TUSC3: variants seen among roughly 807,000 people sequenced by gnomAD.
TUSC3 encodes the protein dolichyl-diphosphooligosaccharide--protein glycosyltransferase subunit TUSC3.
TUSC3 carries 45 observed loss-of-function variants against 44.8 expected under a neutral mutation model. That is an observed-to-expected ratio of 1.00 (90% CI 0.79 to 1.29). The LOEUF (loss-of-function observed/expected upper bound fraction) is 1.29, where lower values mean the gene tolerates loss of function less well. TUSC3 is among the 50% of genes most tolerant of loss of function. The pLI, the probability that TUSC3 is intolerant of heterozygous loss-of-function variation, is 0.00. For synonymous variants in TUSC3, 212 were observed against 152.9 expected, an observed-to-expected ratio of 1.39 and a Z score of -2.85; for missense variants, 519 against 437.9, an observed-to-expected ratio of 1.19 and a Z score of -1.65.
At chr8:15,508,537 G>A (rs565662627) in intron 2 of TUSC3, among the ~76,000 whole-genome samples, 3 of 128,242 alleles carry the variant, frequency 2.3e-5, no homozygotes, top group African/African-American at 5.8e-5. Flanking sequence ...TCTCGGCTCA[G>A]TGCAAGCTCC....
chr8:15,640,930 C>T (rs1311706626), intron 2 of TUSC3, among the ~76,000 whole-genome samples: 1 of 152,094 alleles, frequency 6.6e-6, no homozygotes, highest in Non-Finnish European at 1.5e-5. Flanking sequence ...TGATAAATTG[C>T]AGTGTTAAGT....
intron 3 of TUSC3, chr8:15,651,020 C>T (rs2129175768): frequency 3.1e-6 from 1 of 325,954 alleles, no homozygotes; most frequent in African/African-American, 2.4e-5. Flanking sequence ...CACACACACA[C>T]ACAAATACAA....
At chr8:15,707,430 T>G (rs955034747) in intron 6 of TUSC3, among the ~76,000 whole-genome samples, 4 of 151,958 alleles carry the variant, frequency 2.6e-5, no homozygotes, top group African/African-American at 9.7e-5. Context: ...CCTATATTTT[T>G]TATGTTTTAG....
rs529122870 is a variant in TUSC3, at chr8:15,687,269, C to G, written c.798+13433C>G. 1.4e-4 allele frequency among the ~76,000 whole-genome samples: 22 copies of G among 152,188 alleles called. No individual in the cohort carries two copies. The Middle Eastern group carries it at 0.014, about 95-fold the overall frequency. ...AGTACAGATACATCATGCAGCTCAT[C>G]ATCTAGTGGGGATACATAATATGAT... is the stretch of plus-strand genomic sequence containing the variant. On this transcript the variant is annotated intron_variant, in intron 6 of 10. Coordinates refer to ENST00000503731, the MANE Select transcript of TUSC3 (RefSeq NM_006765.4).
chr8:15,736,932 T>G (rs1199846234), intron 7 of TUSC3, among the ~76,000 whole-genome samples: 1 of 152,112 alleles, frequency 6.6e-6, no homozygotes, highest in Non-Finnish European at 1.5e-5. Context: ...TGACCTAAGT[T>G]AGAAGATCTC....
At chr8:15,845,613 A>T in the TUSC3 span, among the ~76,000 whole-genome samples, 55,325 of 151,850 alleles carry the variant, frequency 0.36, 11,402 homozygotes, top group East Asian at 0.55. Flanking sequence ...GTGAATTGGG[A>T]CCCCTGAAAC....
chr8:15,489,667 A>G (rs993600308), intron 2 of TUSC3, among the ~76,000 whole-genome samples: 1 of 152,176 alleles, frequency 6.6e-6, no homozygotes, highest in African/African-American at 2.4e-5. Flanking sequence ...TCACTGCCAC[A>G]AAGAGTCTGT....
At chr8:15,652,988 A>G (rs1241575353) in intron 3 of TUSC3, among the ~76,000 whole-genome samples, 2 of 152,180 alleles carry the variant, frequency 1.3e-5, no homozygotes, top group Non-Finnish European at 2.9e-5. Flanking sequence ...TAAACATCTT[A>G]TTTACTTTTA....
At chr8:15,657,929 G>T (rs999127508) in intron 3 of TUSC3, among the ~76,000 whole-genome samples, 1 of 152,146 alleles carries the variant, frequency 6.6e-6, no homozygotes, top group African/African-American at 2.4e-5. Flanking sequence ...GGCACTTCTT[G>T]CTGCATCATC....
intron 1 of TUSC3, among the ~76,000 whole-genome samples, chr8:15,467,194 A>G (rs1323697870): frequency 2.0e-5 from 3 of 151,786 alleles, no homozygotes; most frequent in Non-Finnish European, 4.4e-5. Flanking sequence ...GGTAGTCAAC[A>G]AGTACGTGCA....
rs1316626514 is a variant in TUSC3 at position 15,611,781 on chromosome 8, T to G, written c.139-11299T>G. Among the ~76,000 whole-genome samples, 7 of 152,186 alleles carry G rather than the reference T, an allele frequency of 4.6e-5. No homozygotes were observed. The East Asian group carries it at 1.2e-3, about 25-fold the overall frequency. On this transcript the variant is annotated intron_variant, in intron 1 of 10. Transcript: ENST00000503731. ...TGGTATAGTGCTTAATCTCTGATTT[T>G]TTGGTTCCTAGAAGCATTAATTGCC...
At chr8:15,628,579 A>G (rs1805621326) in intron 2 of TUSC3, among the ~76,000 whole-genome samples, 1 of 152,206 alleles carries the variant, frequency 6.6e-6, no homozygotes, top group Non-Finnish European at 1.5e-5. Context: ...AGAACAGGTT[A>G]AAGTTAAAAT....
At chr8:15,819,933 G>C in the TUSC3 span, among the ~76,000 whole-genome samples, 4 of 152,072 alleles carry the variant, frequency 2.6e-5, no homozygotes, top group Admixed American at 2.6e-4. Context: ...TAGTCATATG[G>C]TCTAATCTCA....
chr8:15,814,925 G>T, the TUSC3 span, among the ~76,000 whole-genome samples: 9 of 152,064 alleles, frequency 5.9e-5, no homozygotes, highest in Non-Finnish European at 1.0e-4. Context: ...TGCTGAGTAC[G>T]GGAGAAATAT....
the TUSC3 span, among the ~76,000 whole-genome samples, chr8:15,798,580 G>T: frequency 6.6e-6 from 1 of 152,124 alleles, no homozygotes. Flanking sequence ...TGAGCAGCGT[G>T]GCGGCAGCTT....
At chr8:15,660,653 C>A (rs1464703861) in intron 4 of TUSC3, among the ~76,000 whole-genome samples, 1 of 151,862 alleles carries the variant, frequency 6.6e-6, no homozygotes, top group Non-Finnish European at 1.5e-5. Flanking sequence ...CATGGTACCA[C>A]TGTCATTGTA....
chr8:15,546,714 T>C (rs1439205816), intron 1 of TUSC3, among the ~76,000 whole-genome samples: 2 of 151,554 alleles, frequency 1.3e-5, no homozygotes, highest in Non-Finnish European at 2.9e-5. Context: ...TTCGTATTTT[T>C]AGTAGAGACA....
At chr8:15,736,039 G>A (rs1435228950) in intron 7 of TUSC3, among the ~76,000 whole-genome samples, 1 of 151,970 alleles carries the variant, frequency 6.6e-6, no homozygotes, top group Non-Finnish European at 1.5e-5. Flanking sequence ...TATTTCTTTA[G>A]TTATTCTATC....
At chr8:15,569,208 C>G (rs923642104) in intron 1 of TUSC3, among the ~76,000 whole-genome samples, 41 of 152,038 alleles carry the variant, frequency 2.7e-4, no homozygotes, top group African/African-American at 8.9e-4. Context: ...TTTGGCATAC[C>G]AAGTACTGTA....
Sources: allele counts gnomAD v4.1 joint callset (sites outside exome capture counted in the v4.1 genomes callset), GRCh38; gene constraint gnomAD v4.1.1; transcripts MANE v1.5; gene names NCBI Gene and HGNC (gene_info 2026-07-23, HGNC 2026-07-21).